The following TENM3 variants were observed in gnomAD, a reference collection of about 807,000 sequenced individuals.
TENM3 encodes teneurin-3.
TENM3 carries 63 observed loss-of-function variants against 255.1 expected under a neutral mutation model. The ratio of observed to expected loss-of-function variants is 0.25; its 90% CI spans 0.20 to 0.30. TENM3 has a LOEUF of 0.30. TENM3 is among the 10% of genes least tolerant of loss of function. The pLI, the probability that TENM3 is intolerant of heterozygous loss-of-function variation, is 1.00. For missense variants in TENM3, 2,929 were observed against 3,461.1 expected, an observed-to-expected ratio of 0.85 and a Z score of 3.86; for synonymous variants, 1,306 against 1,322.3, an observed-to-expected ratio of 0.99 and a Z score of 0.27.
At chr4:182,621,310 CCATGTTTTATAG>C (rs949113221) in intron 4 of TENM3, among the ~76,000 whole-genome samples, 1 of 152,036 alleles carries the variant, frequency 6.6e-6, no homozygotes, top group African/African-American at 2.4e-5. Flanking sequence ...GCTTCTCTTC[CCATGTTTTATAG>C]CATTTCTGTA....
chr4:181,628,008 G>A, the TENM3 span, among the ~76,000 whole-genome samples: 1 of 152,134 alleles, frequency 6.6e-6, no homozygotes, highest in Non-Finnish European at 1.5e-5. Flanking sequence ...GTTGTTTCCT[G>A]ACTTTTTAAT....
chr4:182,343,574 C>T (rs1392108065), intron 2 of TENM3, among the ~76,000 whole-genome samples: 1 of 152,142 alleles, frequency 6.6e-6, no homozygotes, highest in African/African-American at 2.4e-5. Flanking sequence ...CTTGTCCTGC[C>T]TCTTCCCACT....
chr4:182,302,491 A>G (rs1350643552), intron 1 of TENM3, among the ~76,000 whole-genome samples: 1 of 152,218 alleles, frequency 6.6e-6, no homozygotes, highest in East Asian at 1.9e-4. Context: ...GTGGTTTAAA[A>G]GTAAGACAAG....
chr4:182,292,879 G>A (rs1043077434), intron 1 of TENM3, among the ~76,000 whole-genome samples: 3 of 152,212 alleles, frequency 2.0e-5, no homozygotes, highest in African/African-American at 7.2e-5. Context: ...ACAGCTGACA[G>A]CTGAAGGATG....
rs5864779 is a variant in TENM3, at chr4:182,339,910, T to TAA, written c.233-6732_233-6731dup. Among the ~76,000 whole-genome samples, 84 of 150,622 alleles carry TAA rather than the reference T, an allele frequency of 5.6e-4. 3 individuals carry two copies. The East Asian group carries it at 0.013, about 23-fold the overall frequency. On this transcript the variant is annotated intron_variant, in intron 2 of 27. Transcript: ENST00000511685. The stretch of plus-strand genomic sequence containing the variant: ...ATTTATTTTCAGAATGTTTTTGATT[T>TAA]AAAAAAAAAAGCTATTTTAAAGTTA...
At chr4:181,890,211 A>G in the TENM3 span, among the ~76,000 whole-genome samples, 5 of 152,214 alleles carry the variant, frequency 3.3e-5, no homozygotes, top group Admixed American at 2.6e-4. Flanking sequence ...AATTAATGCA[A>G]GACATCAGCC....
chr4:181,718,026 A>T, the TENM3 span, among the ~76,000 whole-genome samples: 10 of 152,198 alleles, frequency 6.6e-5, no homozygotes, highest in African/African-American at 2.2e-4. Flanking sequence ...TTGCTAACTG[A>T]GAACACTGGG....
the TENM3 span, among the ~76,000 whole-genome samples, chr4:182,076,567 C>T: frequency 4.6e-5 from 7 of 152,314 alleles, no homozygotes; most frequent in East Asian, 1.4e-3. Flanking sequence ...ACTCACATAT[C>T]CTTTCTTCTG....
At chr4:182,664,949 G>T (rs776344151) in intron 6 of TENM3, among the ~76,000 whole-genome samples, 1 of 152,228 alleles carries the variant, frequency 6.6e-6, no homozygotes, top group Non-Finnish European at 1.5e-5. Flanking sequence ...GAAGCAGCAG[G>T]TTCTGATGTA....
chr4:181,922,179 A>G, the TENM3 span, among the ~76,000 whole-genome samples: 1 of 152,202 alleles, frequency 6.6e-6, no homozygotes, highest in African/African-American at 2.4e-5. Context: ...CATCAAATAT[A>G]TTGGTCTAAA....
intron 2 of TENM3, among the ~76,000 whole-genome samples, chr4:182,324,647 G>A (rs946795038): frequency 1.3e-5 from 2 of 152,172 alleles, no homozygotes; most frequent in Admixed American, 1.3e-4. Context: ...AACAGGAGCT[G>A]TTGGTGAAGA....
chr4:181,764,174 GA>G, the TENM3 span, among the ~76,000 whole-genome samples: 7 of 152,176 alleles, frequency 4.6e-5, no homozygotes, highest in South Asian at 1.5e-3. Flanking sequence ...TTTAACAAAA[GA>G]AAAAACTTCA....
chr4:182,203,213 A>G (rs1292832109), intron 1 of TENM3, among the ~76,000 whole-genome samples: 9 of 151,548 alleles, frequency 5.9e-5, no homozygotes, highest in Admixed American at 3.9e-4. Flanking sequence ...GTGAAACTCC[A>G]TCTCAAAAAA....
At chr4:182,472,621 T>G (rs552652586) in intron 3 of TENM3, among the ~76,000 whole-genome samples, 1 of 152,332 alleles carries the variant, frequency 6.6e-6, no homozygotes, top group Non-Finnish European at 1.5e-5. Flanking sequence ...CCTACACATT[T>G]TAAAGTTGAA....
At chr4:182,273,631 T>C (rs1459166440) in intron 1 of TENM3, among the ~76,000 whole-genome samples, 1 of 152,326 alleles carries the variant, frequency 6.6e-6, no homozygotes, top group East Asian at 1.9e-4. Flanking sequence ...GAGGAAAATA[T>C]GTACATTCTG....
chr4:182,094,660 A>G, the TENM3 span, among the ~76,000 whole-genome samples: 6 of 152,250 alleles, frequency 3.9e-5, no homozygotes, highest in African/African-American at 1.4e-4. Context: ...CAAGTCATAG[A>G]ATAATACCCC....
the TENM3 span, among the ~76,000 whole-genome samples, chr4:181,988,221 T>G: frequency 2.0e-5 from 3 of 152,064 alleles, no homozygotes; most frequent in South Asian, 2.1e-4. Flanking sequence ...TCCTTTCACT[T>G]GATTTTATTT....
At chr4:182,617,623 T>G (rs1041413870) in intron 4 of TENM3, among the ~76,000 whole-genome samples, 1 of 152,310 alleles carries the variant, frequency 6.6e-6, no homozygotes, top group African/African-American at 2.4e-5. Flanking sequence ...TTTTGGATAT[T>G]GAAAAGGTTG....
chr4:181,839,900 A>G, the TENM3 span, among the ~76,000 whole-genome samples: 291 of 152,062 alleles, frequency 1.9e-3, 2 homozygotes, highest in African/African-American at 6.5e-3. Flanking sequence ...GTATTTCACT[A>G]GATTTCTGGA....
Sources: allele counts gnomAD v4.1 joint callset (sites outside exome capture counted in the v4.1 genomes callset), GRCh38; gene constraint gnomAD v4.1.1; transcripts MANE v1.5; gene names NCBI Gene and HGNC (gene_info 2026-07-23, HGNC 2026-07-21).